Variants in MYO5A observed in about 807,000 individuals in gnomAD.
MYO5A encodes myosin VA, also known as unconventional myosin-Va.
A neutral mutation model predicts 249.7 loss-of-function variants in MYO5A; 98 were observed. The observed-to-expected ratio is 0.39, with a 90% CI of 0.33 to 0.46. The LOEUF is 0.46. MYO5A is among the 20% of genes least tolerant of loss of function. The probability of loss-of-function intolerance (pLI) is 0.98; values close to 1 mark genes in which losing one functional copy is unlikely to be tolerated. For missense variants in MYO5A, 1,696 were observed against 2,308.8 expected (o/e 0.73, Z 5.44); for synonymous variants, 778 against 810.6 (o/e 0.96, Z 0.68).
intron 31 of MYO5A, among the ~76,000 whole-genome samples, chr15:52,340,884 G>A (rs1167151309): frequency 1.3e-5 from 2 of 151,212 alleles, no homozygotes; most frequent in African/African-American, 4.9e-5. Flanking sequence ...GGAGGCAAAG[G>A]TTGCAGTGAG....
At chr15:52,338,915 T>C (rs2039248849) in intron 32 of MYO5A, among the ~76,000 whole-genome samples, 1 of 152,242 alleles carries the variant, frequency 6.6e-6, no homozygotes, top group Non-Finnish European at 1.5e-5. Flanking sequence ...CAACTTATTA[T>C]ATTATTCAGT....
intron 4 of MYO5A, among the ~76,000 whole-genome samples, chr15:52,417,933 A>G (rs2043589044): frequency 6.6e-6 from 1 of 152,226 alleles, no homozygotes; most frequent in Admixed American, 6.5e-5. Flanking sequence ...AATAGGAAAG[A>G]CAGGCCAATA....
intron 4 of MYO5A, among the ~76,000 whole-genome samples, chr15:52,419,149 T>C (rs17651326): frequency 0.051 from 7,734 of 152,312 alleles, 270 homozygotes; most frequent in East Asian, 0.18. Context: ...CATTGAGTGT[T>C]GTCATGTACC....
chr15:52,370,046 A>G, intron 22 of MYO5A, 123 bp downstream of exon 22: 2 of 1,269,248 alleles, frequency 1.6e-6, no homozygotes, highest in Non-Finnish European at 2.3e-6. Flanking sequence ...AATGAACAGT[A>G]ATTCAACTAA....
intron 8 of MYO5A, among the ~76,000 whole-genome samples, chr15:52,406,013 C>A (rs72736657): frequency 6.6e-6 from 1 of 152,136 alleles, no homozygotes; most frequent in Admixed American, 6.5e-5. Context: ...ATATCCCAGC[C>A]TGATGAGTAT....
At chr15:52,409,330 C>T (rs17542017) in intron 6 of MYO5A, among the ~76,000 whole-genome samples, 73,225 of 151,906 alleles carry the variant, frequency 0.48, 20,949 homozygotes, top group Non-Finnish European at 0.63. Context: ...ATTCTTTCTT[C>T]TGGTTATCAA....
intron 7 of MYO5A, among the ~76,000 whole-genome samples, chr15:52,407,841 C>T (rs1230687327): frequency 1.3e-5 from 2 of 152,054 alleles, no homozygotes; most frequent in Non-Finnish European, 2.9e-5. Context: ...CTTAAACAGC[C>T]ATCTAAAATC....
intron 21 of MYO5A, among the ~76,000 whole-genome samples, chr15:52,371,615 T>C (rs2041119369): frequency 6.6e-6 from 1 of 152,110 alleles, no homozygotes; most frequent in Non-Finnish European, 1.5e-5. Flanking sequence ...CTGCCAGGCA[T>C]GGTAGCTCAT....
At position 52,340,358 on chromosome 15, in the gene MYO5A, G is replaced by A. The variant is rs1012728451; in HGVS notation, c.4077C>T (p.Ser1359=). The change falls in exon 32 of 42, where the codon AGC becomes AGT. Residue 1359 remains serine (S), a synonymous_variant. Coordinates refer to ENST00000399233, the MANE Select transcript of MYO5A (RefSeq NM_001382347.1). ...LESQLQSQKR[S]HENEAEALRG... Reference sequence around the variant, plus strand: ...GGAGGGCCTCGGCCTCATTCTCATGGCTCCTCTTCTGTGACTGCAGCTGGG... The same window carrying A: ...GGAGGGCCTCGGCCTCATTCTCATGACTCCTCTTCTGTGACTGCAGCTGGG... The A allele has an allele frequency of 6.2e-7, 1 of 1,613,646 alleles. No individual in the cohort carries two copies. The highest frequency in any genetic ancestry group is 8.5e-7 in the Non-Finnish European group (1 of 1,180,040).
intron 4 of MYO5A, among the ~76,000 whole-genome samples, chr15:52,421,959 GA>G (rs758197722): frequency 3.9e-5 from 6 of 152,270 alleles, no homozygotes; most frequent in Middle Eastern, 3.4e-3. Flanking sequence ...CAATAAAACT[GA>G]TTATCACTCA....
At chr15:52,441,405 G>T (rs1428403027) in intron 1 of MYO5A, among the ~76,000 whole-genome samples, 1 of 151,972 alleles carries the variant, frequency 6.6e-6, no homozygotes, top group Non-Finnish European at 1.5e-5. Context: ...CACCACTTAG[G>T]TTCATAAGTA....
At chr15:52,374,819 T>C (rs1206138048) in intron 20 of MYO5A, among the ~76,000 whole-genome samples, 1 of 152,276 alleles carries the variant, frequency 6.6e-6, no homozygotes, top group African/African-American at 2.4e-5. Flanking sequence ...AGAATTAATT[T>C]TGGCTGTTTT....
chr15:52,507,808 A>G (rs2077305768), intron 1 of MYO5A, among the ~76,000 whole-genome samples: 1 of 151,366 alleles, frequency 6.6e-6, no homozygotes, highest in Admixed American at 6.6e-5. Context: ...TGTCCCCAAA[A>G]AAAAAAAAAA....
chr15:52,475,332 A>T (rs1456462161), intron 1 of MYO5A, among the ~76,000 whole-genome samples: 1 of 152,132 alleles, frequency 6.6e-6, no homozygotes, highest in Non-Finnish European at 1.5e-5. Context: ...CCTTTTCAAA[A>T]AACCAGGTCC....
At chr15:52,410,262 ACC>A in intron 6 of MYO5A, 69 bp downstream of exon 6, 1 of 1,493,044 alleles carries the variant, frequency 6.7e-7, no homozygotes, top group Non-Finnish European at 9.3e-7. Context: ...TAAAATGCAT[ACC>A]AGCAAGCATG....
At chr15:52,452,665 T>C (rs1388052752) in intron 1 of MYO5A, among the ~76,000 whole-genome samples, 2 of 151,978 alleles carry the variant, frequency 1.3e-5, no homozygotes, top group Non-Finnish European at 2.9e-5. Context: ...GGGACCATCC[T>C]CATTCAGGAT....
At position 52,311,408 on chromosome 15, in the gene MYO5A, A is replaced by C. The variant is rs1162540063; in HGVS notation, c.*2288T>G. 6.6e-6 allele frequency: 1 copy of C among 152,172 alleles called. No homozygotes were observed. Among genetic ancestry groups the C allele is most frequent in the Admixed American group, 6.5e-5 (1 of 15,288 alleles). 9.4% of individuals were successfully genotyped at this position (152,172 alleles called of 1,614,324 possible). Reference sequence around the variant, plus strand: ...GGTACGAACCAAATGGCTATGACTTAATTGTGCATTGAAAACCGCATTGAC... The same window carrying C: ...GGTACGAACCAAATGGCTATGACTTCATTGTGCATTGAAAACCGCATTGAC... On this transcript the variant is annotated 3_prime_UTR_variant, in exon 42 of 42. Transcript: ENST00000399233.
intron 9 of MYO5A, among the ~76,000 whole-genome samples, chr15:52,398,966 G>A (rs1182229537): frequency 2.0e-5 from 3 of 151,244 alleles, no homozygotes; most frequent in Admixed American, 6.6e-5. Flanking sequence ...TCCAGCCTGG[G>A]TGACAGAGCG....
chr15:52,416,573 C>T (rs1164830787), intron 4 of MYO5A, among the ~76,000 whole-genome samples: 2 of 152,014 alleles, frequency 1.3e-5, no homozygotes, highest in Non-Finnish European at 2.9e-5. Context: ...GTCAGATTAA[C>T]ATCCAAAGGA....
Sources: gnomAD v4.1 joint callset for allele counts (sites outside exome capture counted in the v4.1 genomes callset) on GRCh38, gnomAD v4.1.1 for gene constraint, MANE v1.5 for transcripts, NCBI Gene and HGNC (gene_info 2026-07-23, HGNC 2026-07-21) for gene names.